CSMD3: variants seen among roughly 807,000 people sequenced by gnomAD.
CSMD3 encodes the protein CUB and Sushi multiple domains 3.
A neutral mutation model predicts 435.2 loss-of-function variants in CSMD3; 177 were observed. That is an observed-to-expected ratio of 0.41 (90% CI 0.36 to 0.46). CSMD3 has a LOEUF of 0.46. Ranked by LOEUF, CSMD3 falls within the 20% of genes least tolerant of loss-of-function variation. The pLI, the probability that CSMD3 is intolerant of heterozygous loss-of-function variation, is 0.34. For synonymous variants in CSMD3, 1,656 were observed against 1,520.5 expected (o/e 1.09, Z -2.07); for missense variants, 4,265 against 4,504.6 (o/e 0.95, Z 1.52).
chr8:113,082,755 T>A (rs1020396890), intron 5 of CSMD3, among the ~76,000 whole-genome samples: 1 of 152,088 alleles, frequency 6.6e-6, no homozygotes, highest in Non-Finnish European at 1.5e-5. Context: ...AGAGATATCA[T>A]GTAAAGGAAC....
intron 2 of CSMD3, chr8:113,311,985 T>G (rs1483167167): frequency 6.6e-6 from 1 of 152,162 alleles, no homozygotes; most frequent in Admixed American, 6.5e-5. Context: ...GGTTTATATT[T>G]GTATATATTA....
At chr8:112,784,549 TCAAA>T (rs2078487435) in intron 13 of CSMD3, among the ~76,000 whole-genome samples, 2 of 151,694 alleles carry the variant, frequency 1.3e-5, no homozygotes, top group African/African-American at 2.4e-5. Context: ...AAGAGATGAC[TCAAA>T]CGAATAAAAT....
chr8:112,289,371 A>G lies in CSMD3; in HGVS notation c.9142T>C (p.Cys3048Arg). 1 of 1,613,032 alleles carries G rather than the reference A, an allele frequency of 6.2e-7. No homozygotes were observed. Among genetic ancestry groups the G allele is most frequent in the Non-Finnish European group, 8.5e-7 (1 of 1,179,238 alleles). ...CCAATTTTCCAAGTGGTACCTGAAC[A>G]ATGAGGTTGTGATCCACTCCAATGG... is the stretch of plus-strand genomic sequence containing the variant. ...NGHWSGSQPH[C>R]SGDATGTCGD... is the part of the protein sequence containing the mutation. The change falls in exon 57 of 71, where the codon TGT becomes CGT. Residue 3048 changes from cysteine to arginine, a missense_variant. Around this residue, in one of 3 missense-constraint regions of CSMD3, gnomAD observed 3,255 missense variants for 3,380.2 expected, o/e 0.96. Coordinates refer to ENST00000297405, the MANE Select transcript of CSMD3 (RefSeq NM_198123.2).
chr8:113,236,608 G>A (rs111332250), intron 3 of CSMD3, among the ~76,000 whole-genome samples: 1 of 152,028 alleles, frequency 6.6e-6, no homozygotes, highest in Non-Finnish European at 1.5e-5. Flanking sequence ...TGGACTCCAG[G>A]ACTTAGACTA....
At chr8:112,783,488 AAGGG>A (rs1253164117) in intron 13 of CSMD3, among the ~76,000 whole-genome samples, 12 of 80,724 alleles carry the variant, frequency 1.5e-4, no homozygotes, top group African/African-American at 3.6e-4. Flanking sequence ...GAAGGGAGAG[AAGGG>A]AGGGAGGGAG....
intron 47 of CSMD3, among the ~76,000 whole-genome samples, chr8:112,317,767 T>C (rs887488799): frequency 6.6e-6 from 1 of 152,078 alleles, no homozygotes; most frequent in South Asian, 2.1e-4. Context: ...GCAATCTTTT[T>C]ATCTTCTTGA....
At chr8:112,253,840 A>G (rs978050781) in intron 63 of CSMD3, among the ~76,000 whole-genome samples, 1 of 151,922 alleles carries the variant, frequency 6.6e-6, no homozygotes, top group African/African-American at 2.4e-5. Context: ...TTATTGAATA[A>G]CCCGCATTTT....
At chr8:113,425,100 G>A (rs1157120971) in intron 1 of CSMD3, among the ~76,000 whole-genome samples, 1 of 151,414 alleles carries the variant, frequency 6.6e-6, no homozygotes, top group Non-Finnish European at 1.5e-5. Context: ...ATAATTGATA[G>A]CTGAAGGAAT....
At chr8:112,481,526 T>C (rs1007697236) in intron 31 of CSMD3, among the ~76,000 whole-genome samples, 2 of 152,190 alleles carry the variant, frequency 1.3e-5, no homozygotes, top group Admixed American at 1.3e-4. Flanking sequence ...CAATGTGATA[T>C]ATTAAATCAA....
intron 10 of CSMD3, among the ~76,000 whole-genome samples, chr8:112,882,706 C>T (rs1029884665): frequency 6.6e-6 from 1 of 152,000 alleles, no homozygotes; most frequent in Non-Finnish European, 1.5e-5. Context: ...CTTCGGTTTA[C>T]ATTGAACAAA....
intron 1 of CSMD3, among the ~76,000 whole-genome samples, chr8:113,336,979 A>G (rs189266740): frequency 6.6e-6 from 1 of 152,046 alleles, no homozygotes; most frequent in South Asian, 2.1e-4. Context: ...TGGAAGCCAC[A>G]TATTTTTCTG....
At chr8:112,784,603 A>T (rs1412517963) in intron 13 of CSMD3, among the ~76,000 whole-genome samples, 3 of 152,032 alleles carry the variant, frequency 2.0e-5, no homozygotes, top group Non-Finnish European at 2.9e-5. Context: ...ATACCACAGA[A>T]ATTCAAAGGA....
intron 11 of CSMD3, among the ~76,000 whole-genome samples, chr8:112,830,607 T>G (rs1468811241): frequency 6.6e-6 from 1 of 151,998 alleles, no homozygotes; most frequent in African/African-American, 2.4e-5. Flanking sequence ...AAAAAATAAT[T>G]TATAACAAAA....
At chr8:112,799,211 CA>C (rs1416807783) in intron 13 of CSMD3, among the ~76,000 whole-genome samples, 10 of 151,306 alleles carry the variant, frequency 6.6e-5, no homozygotes, top group African/African-American at 1.2e-4. Flanking sequence ...TTTAGTCACA[CA>C]AAAAAAAACA....
chr8:113,406,696 T>C (rs573990875), intron 1 of CSMD3, among the ~76,000 whole-genome samples: 25 of 152,048 alleles, frequency 1.6e-4, no homozygotes, highest in Admixed American at 1.4e-3. Context: ...TATTGTAATC[T>C]ATGGGGAGAG....
intron 10 of CSMD3, among the ~76,000 whole-genome samples, chr8:112,889,809 T>A (rs143998281): frequency 5.3e-5 from 8 of 151,790 alleles, no homozygotes; most frequent in African/African-American, 1.4e-4. Context: ...AAAATCTTAC[T>A]GACTCTACCC....
intron 3 of CSMD3, among the ~76,000 whole-genome samples, chr8:113,247,716 C>T (rs1414668195): frequency 1.3e-5 from 2 of 151,996 alleles, no homozygotes; most frequent in Non-Finnish European, 1.5e-5. Context: ...TTGTTACCTT[C>T]CAGTTTAAAG....
chr8:112,398,064 C>A (rs1364139749), intron 35 of CSMD3, among the ~76,000 whole-genome samples: 1 of 152,122 alleles, frequency 6.6e-6, no homozygotes, highest in Non-Finnish European at 1.5e-5. Flanking sequence ...ATGAGACAGG[C>A]ACGGGACAGA....
At chr8:113,360,746 T>G (rs898558818) in intron 1 of CSMD3, among the ~76,000 whole-genome samples, 2 of 151,728 alleles carry the variant, frequency 1.3e-5, no homozygotes, top group East Asian at 1.9e-4. Context: ...GCTAATTTTT[T>G]GTATTTTTAG....
Sources: gnomAD v4.1 joint callset for allele counts (sites outside exome capture counted in the v4.1 genomes callset) on GRCh38, gnomAD v4.1.1 for gene constraint, gnomAD v4.1.1 regional missense constraint, MANE v1.5 for transcripts, NCBI Gene and HGNC (gene_info 2026-07-23, HGNC 2026-07-21) for gene names.